Variants in PRKCH observed in about 807,000 individuals in gnomAD.
The protein encoded by PRKCH is protein kinase C eta type.
PRKCH carries 28 observed loss-of-function variants against 82.5 expected under a neutral mutation model. That is an observed-to-expected ratio of 0.34 (90% confidence interval 0.25 to 0.47). The LOEUF (loss-of-function observed/expected upper bound fraction) is 0.47, where lower values mean the gene tolerates loss of function less well. PRKCH is among the 20% of genes least tolerant of loss of function. The pLI, the probability that PRKCH is intolerant of heterozygous loss-of-function variation, is 1.00. For missense variants in PRKCH, 705 were observed against 881.8 expected, an observed-to-expected ratio of 0.80 and a Z score of 2.54; for synonymous variants, 322 against 327.4, an observed-to-expected ratio of 0.98 and a Z score of 0.18.
chr14:61,463,586 G>T (rs1023278615), intron 9 of PRKCH, among the ~76,000 whole-genome samples: 2 of 151,952 alleles, frequency 1.3e-5, no homozygotes, highest in African/African-American at 2.4e-5. Context: ...TTGATAACCT[G>T]TACTAAAACT....
At chr14:61,324,510 C>T (rs948528092) in intron 1 of PRKCH, among the ~76,000 whole-genome samples, 4 of 151,876 alleles carry the variant, frequency 2.6e-5, no homozygotes, top group Non-Finnish European at 4.4e-5. Context: ...GGATATGGAA[C>T]ATAGGTTGGG....
At chr14:61,470,535 C>G (rs1885455431) in intron 9 of PRKCH, among the ~76,000 whole-genome samples, 2 of 152,214 alleles carry the variant, frequency 1.3e-5, no homozygotes, top group Non-Finnish European at 2.9e-5. Flanking sequence ...CCAGCAGACC[C>G]TCCCCTTTTT....
rs1461323119 is a variant in PRKCH at position 61,451,430 on chromosome 14, A to G, written c.832+459A>G. Reference sequence around the variant, plus strand: ...TTAAGAGTAAGAAATGGCAGAATAGATCTGATGATCTCACCAGAAATCAGC... The same window carrying G: ...TTAAGAGTAAGAAATGGCAGAATAGGTCTGATGATCTCACCAGAAATCAGC... On this transcript the variant is annotated intron_variant, in intron 6 of 13. Transcript: ENST00000332981. Among the ~76,000 whole-genome samples, 4 of 152,238 alleles carry G rather than the reference A, an allele frequency of 2.6e-5. No individual in the cohort carries two copies. In the East Asian group the frequency reaches 7.7e-4, roughly 29 times the overall value.
At chr14:61,310,699 C>T (rs1459594450) in intron 1 of PRKCH, among the ~76,000 whole-genome samples, 1 of 152,270 alleles carries the variant, frequency 6.6e-6, no homozygotes, top group African/African-American at 2.4e-5. Flanking sequence ...CTCCACTAGG[C>T]AGTGACCCAA....
At chr14:61,510,998 G>A (rs1250310886) in intron 10 of PRKCH, among the ~76,000 whole-genome samples, 1 of 152,118 alleles carries the variant, frequency 6.6e-6, no homozygotes, top group Non-Finnish European at 1.5e-5. Flanking sequence ...GGAGGAGGAG[G>A]AGCCTCCGGA....
chr14:61,317,481 C>G (rs984273563), upstream of PRKCH, among the ~76,000 whole-genome samples: 1 of 152,086 alleles, frequency 6.6e-6, no homozygotes, highest in Non-Finnish European at 1.5e-5. Flanking sequence ...ACTTTGTTGC[C>G]CAGGCTGGTC....
chr14:61,521,289 A>T (rs1439126984), intron 10 of PRKCH, among the ~76,000 whole-genome samples: 1 of 152,206 alleles, frequency 6.6e-6, no homozygotes, highest in Non-Finnish European at 1.5e-5. Flanking sequence ...ACATTTCCTT[A>T]CATTTTTAGT....
chr14:61,426,129 A>T (rs752125013), intron 2 of PRKCH, among the ~76,000 whole-genome samples: 3 of 152,160 alleles, frequency 2.0e-5, no homozygotes, highest in Admixed American at 6.5e-5. Context: ...TACAATAACC[A>T]TGTTCTCTTC....
intron 1 of PRKCH, among the ~76,000 whole-genome samples, chr14:61,383,979 G>GGGTCCCC: frequency 6.6e-6 from 1 of 152,222 alleles, no homozygotes; most frequent in Non-Finnish European, 1.5e-5. Flanking sequence ...GAAGACTCTC[G>GGGTCCCC]GAGACCAGCG....
At position 61,302,689 on chromosome 14, in the gene PRKCH, ATATCT is replaced by A. The variant is rs1423539011; in HGVS notation, c.-19+115025_-19+115029del. Among the ~76,000 whole-genome samples, 8 of 152,254 alleles carry A rather than the reference ATATCT, an allele frequency of 5.3e-5. No individual in the cohort carries two copies. The East Asian group carries it at 5.8e-4, about 11-fold the overall frequency. ...CTTCCAAATATTTGGGAGTTTTAAG[ATATCT>A]TATTGTTATTGATTTCTAATTTCAT... On this transcript the variant is annotated intron_variant, in intron 1 of 3. Coordinates refer to the PRKCH transcript ENST00000555185.
chr14:61,406,511 G>A (rs1194046228), intron 2 of PRKCH, among the ~76,000 whole-genome samples: 2 of 152,222 alleles, frequency 1.3e-5, no homozygotes, highest in Non-Finnish European at 2.9e-5. Context: ...TGGGGTAACT[G>A]AGACCAGGAA....
At chr14:61,477,800 C>G (rs978798388) in intron 9 of PRKCH, among the ~76,000 whole-genome samples, 4 of 152,254 alleles carry the variant, frequency 2.6e-5, no homozygotes, top group African/African-American at 7.2e-5. Flanking sequence ...GGAAACATCC[C>G]TGTGTCCCAA....
intron 2 of PRKCH, among the ~76,000 whole-genome samples, chr14:61,408,909 A>C (rs748221301): frequency 6.6e-6 from 1 of 152,130 alleles, no homozygotes; most frequent in Non-Finnish European, 1.5e-5. Flanking sequence ...TTTTTGTAGG[A>C]GCTATCAACT....
intron 13 of PRKCH, 61 bp downstream of exon 13, chr14:61,547,947 A>G (rs1310507729): frequency 1.3e-6 from 2 of 1,573,294 alleles, no homozygotes; most frequent in Non-Finnish European, 1.7e-6. Flanking sequence ...CATTCCACCA[A>G]AGTCCGTAGA....
rs965423152 is a variant in PRKCH at position 61,445,803 on chromosome 14, G to T, written c.613+77G>T. On this transcript the variant is annotated intron_variant, in intron 4 of 13. Transcript: ENST00000332981. ...AATGATTATACCAAGAGAAAACAGG[G>T]TATCTTCCCTTAATATTGTGATAAA... 3.6e-6 allele frequency: 5 copies of T among 1,405,704 alleles called. No individual in the cohort carries two copies. The African/African-American group carries it at 4.3e-5, about 12-fold the overall frequency. 87.1% of individuals were successfully genotyped at this position (1,405,704 alleles called of 1,614,324 possible).
At chr14:61,419,185 G>A (rs1034201655) in intron 2 of PRKCH, among the ~76,000 whole-genome samples, 4 of 152,332 alleles carry the variant, frequency 2.6e-5, no homozygotes, top group Non-Finnish European at 4.4e-5. Flanking sequence ...AATGTCTGAT[G>A]TGAAAATCTA....
At chr14:61,412,565 A>G (rs1263718003) in intron 2 of PRKCH, among the ~76,000 whole-genome samples, 3 of 151,964 alleles carry the variant, frequency 2.0e-5, no homozygotes, top group African/African-American at 4.8e-5. Flanking sequence ...GGGTCACTTG[A>G]CCCTTTAATC....
intron 1 of PRKCH, among the ~76,000 whole-genome samples, chr14:61,193,631 C>G (rs2044422449): frequency 6.6e-6 from 1 of 152,138 alleles, no homozygotes; most frequent in South Asian, 2.1e-4. Context: ...TCCCCAGAGG[C>G]TGGACTAATG....
intron 1 of PRKCH, among the ~76,000 whole-genome samples, chr14:61,263,099 G>A (rs2045064799): frequency 6.6e-6 from 1 of 152,056 alleles, no homozygotes; most frequent in African/African-American, 2.4e-5. Flanking sequence ...GTGTTCACGA[G>A]CCTGCCGCTC....
Sources: gnomAD v4.1 joint callset for allele counts (sites outside exome capture counted in the v4.1 genomes callset) on GRCh38, gnomAD v4.1.1 for gene constraint, MANE v1.5 for transcripts, NCBI Gene and HGNC (gene_info 2026-07-23, HGNC 2026-07-21) for gene names.